The following CCNDBP1 variants were observed in gnomAD, a reference collection of about 807,000 sequenced individuals.
CCNDBP1 encodes cyclin D1 binding protein 1, also known as cyclin-D1-binding protein 1.
In CCNDBP1, 45 loss-of-function variants were observed where a neutral mutation model predicts 46.2. The observed-to-expected ratio is 0.97, with a 90% CI of 0.77 to 1.25. The LOEUF (loss-of-function observed/expected upper bound fraction) is 1.25, where lower values mean the gene tolerates loss of function less well. CCNDBP1 is among the 50% of genes most tolerant of loss of function. CCNDBP1 has a pLI of 0.00. For missense variants in CCNDBP1, 436 were observed against 442.1 expected, an observed-to-expected ratio of 0.99 and a Z score of 0.12; for synonymous variants, 154 against 163.6, an observed-to-expected ratio of 0.94 and a Z score of 0.45.
Position 43,186,204 on chromosome 15 carries a change from T to C in CCNDBP1, c.220T>C (p.Phe74Leu), listed in dbSNP as rs1437408564. 1 of 1,614,016 alleles carries C rather than the reference T, an allele frequency of 6.2e-7. No homozygotes were observed. Among genetic ancestry groups the C allele is most frequent in the Non-Finnish European group, 8.5e-7 (1 of 1,179,984 alleles). The change falls in exon 3 of 11, where the codon TTC becomes CTC. Residue 74 changes from phenylalanine (F) to leucine (L), a missense_variant. By Grantham distance (22) the Phe-to-Leu change is conservative. Coordinates refer to ENST00000300213, the MANE Select transcript of CCNDBP1 (RefSeq NM_012142.5). ...GGAAGCCACGACTCTGACCATAGTCTTCTCTCAGCTTCCACTGCCGTCTCC... is the reference window on the plus strand; with the variant it reads ...GGAAGCCACGACTCTGACCATAGTCCTCTCTCAGCTTCCACTGCCGTCTCC... The part of the protein sequence containing the change: ...SREATTLTIV[F>L]SQLPLPSPQE...
At chr15:43,189,077 CAAA>C (rs763476042) in intron 3 of CCNDBP1, 119 bp from the exon 4 acceptor site, 421 of 151,624 alleles carry the variant, frequency 2.8e-3, no homozygotes, top group South Asian at 6.9e-3. Flanking sequence ...GACTCTGTCT[CAAA>C]AAAAAAAAAA....
Position 43,185,461 on chromosome 15 carries a change from C to A in CCNDBP1, c.-38C>A. 1 of 1,479,326 alleles carries A rather than the reference C, an allele frequency of 6.8e-7. No individual in the cohort carries two copies. The highest frequency in any genetic ancestry group is 9.2e-7 in the Non-Finnish European group (1 of 1,088,320). 91.6% of individuals were successfully genotyped at this position (1,479,326 alleles called of 1,614,324 possible). A position where few individuals can be genotyped will look rare whatever the true frequency, so the allele number is the denominator to read the frequency against. On this transcript the variant is annotated 5_prime_UTR_variant, in exon 1 of 11. Transcript: ENST00000300213. Reference sequence around the variant, plus strand: ...CGCAGTGCGGCTCCGGCAGTGGCAGCGGAGGCCTGTGTTTGCGGCCTTCGG... The same window carrying A: ...CGCAGTGCGGCTCCGGCAGTGGCAGAGGAGGCCTGTGTTTGCGGCCTTCGG...
chr15:43,189,229 G>T lies in CCNDBP1; in HGVS notation c.280G>T (p.Ala94Ser). Residue 94 changes from alanine (A) to serine (S), a missense_variant, in exon 4 of 11, where the codon GCT (alanine) becomes TCT (serine). Transcript: ENST00000300213. ...CCAGAAGTTCTGTGAACAAGTCCATGCTGCCATCAAGGCATTTATTGCAGT... is the reference window on the plus strand; with the variant it reads ...CCAGAAGTTCTGTGAACAAGTCCATTCTGCCATCAAGGCATTTATTGCAGT... ...ETQKFCEQVH[A>S]AIKAFIAVYY... 1 of 1,612,604 alleles carries T rather than the reference G, an allele frequency of 6.2e-7. No homozygotes were observed. Among genetic ancestry groups the T allele is most frequent in the Non-Finnish European group, 8.5e-7 (1 of 1,179,274 alleles).
At chr15:43,191,117 G>A in intron 7 of CCNDBP1, 75 bp downstream of exon 7, 2 of 1,230,154 alleles carry the variant, frequency 1.6e-6, no homozygotes, top group Non-Finnish European at 2.4e-6. Context: ...GAGATTTCCT[G>A]AGCATTGACC....
rs774872923 is a variant in CCNDBP1, at chr15:43,190,161, C to T, written c.428+10C>T. The T allele has an allele frequency of 6.2e-7, 1 of 1,611,894 alleles. No individual in the cohort carries two copies. Among genetic ancestry groups the T allele is most frequent in the Non-Finnish European group, 8.5e-7 (1 of 1,178,234 alleles). ...TCACTCCAACTCAGAGGTAGTGATG[C>T]CACAGTTTAGGTTACCAGTTATTGG... On this transcript the variant is annotated intron_variant, in intron 5 of 10. Transcript: ENST00000300213.
intron 3 of CCNDBP1, among the ~76,000 whole-genome samples, chr15:43,187,656 G>C (rs565830288): frequency 6.6e-6 from 1 of 152,118 alleles, no homozygotes; most frequent in Non-Finnish European, 1.5e-5. Context: ...ATTTCAAAAA[G>C]AGTAGTTAAT....
Position 43,196,982 on chromosome 15 carries a change from A to C in CCNDBP1, c.*2141A>C. 2.6e-6 allele frequency: 1 copy of C among 382,912 alleles called. No individual in the cohort carries two copies. The highest frequency in any genetic ancestry group is 5.0e-6 in the Non-Finnish European group (1 of 200,732). 23.7% of individuals were successfully genotyped at this position (382,912 alleles called of 1,614,324 possible). On this transcript the variant is annotated 3_prime_UTR_variant, in exon 11 of 11. Transcript: ENST00000300213. ...TTCTCGCTCTATATGTCCCTCCCCC[A>C]CCCCAGAGCTGGCTGTTAAAACGAG...
Position 43,196,106 on chromosome 15 carries a change from A to G in CCNDBP1, c.*1265A>G, listed in dbSNP as rs1392116019. ...CTTTTATATTTCTCTACTGGACCAA[A>G]TTCATGTTATTAACATCAGACTTTA... On this transcript the variant is annotated 3_prime_UTR_variant, in exon 11 of 11. Transcript: ENST00000300213. 1 of 152,074 alleles carries G rather than the reference A, an allele frequency of 6.6e-6. No individual in the cohort carries two copies. Among genetic ancestry groups the G allele is most frequent in the Admixed American group, 6.6e-5 (1 of 15,256 alleles). The allele number at this position is 152,074 out of a possible 1,614,324, so 9.4% of individuals were successfully genotyped here.
At chr15:43,194,046 CTTTTTTTT>C (rs748207621) in intron 9 of CCNDBP1, 12 of 50,288 alleles carry the variant, frequency 2.4e-4, no homozygotes, top group African/African-American at 1.3e-3. Flanking sequence ...TCTTAATGCG[CTTTTTTTT>C]TTTTTTTTTT....
At chr15:43,192,615 G>A in intron 8 of CCNDBP1, 128 bp from the exon 9 acceptor site, 2 of 774,758 alleles carry the variant, frequency 2.6e-6, no homozygotes, top group Non-Finnish European at 4.4e-6. Context: ...TGGTTGCCCA[G>A]TTGCCCAATT....
chr15:43,188,366 G>A (rs1001120282), intron 3 of CCNDBP1: 1 of 152,100 alleles, frequency 6.6e-6, no homozygotes, highest in African/African-American at 2.4e-5. Context: ...TAATAACCAT[G>A]GTCTGTCAGT....
intron 3 of CCNDBP1, among the ~76,000 whole-genome samples, chr15:43,186,959 GAA>G (rs1247918514): frequency 6.6e-6 from 1 of 152,180 alleles, no homozygotes; most frequent in Non-Finnish European, 1.5e-5. Flanking sequence ...TATATTGGTA[GAA>G]AAAATTCCCG....
chr15:43,188,335 A>T lies in CCNDBP1; in HGVS notation c.250-864A>T, dbSNP rs1379303899. The T allele has an allele frequency of 4.6e-5, 7 of 152,066 alleles. No homozygotes were observed. In the East Asian group the frequency reaches 1.3e-3, roughly 29 times the overall value. 9.4% of individuals were successfully genotyped at this position (152,066 alleles called of 1,614,324 possible). ...CATATTCTGATTCTGTTAAAAAAAG[A>T]GAGAGACCTGGTTAATGGTTTAATA... is the stretch of plus-strand genomic sequence containing the variant. On this transcript the variant is annotated intron_variant, in intron 3 of 10. Transcript: ENST00000300213.
intron 4 of CCNDBP1, chr15:43,189,630 A>C (rs1596391166): frequency 3.2e-6 from 1 of 308,678 alleles, no homozygotes. Context: ...GTTATATCTC[A>C]CCCTATTTCT....
rs1201094415 is a variant in CCNDBP1 at position 43,195,806 on chromosome 15, T to A, written c.*965T>A. On this transcript the variant is annotated 3_prime_UTR_variant, in exon 11 of 11. Coordinates refer to ENST00000300213, the MANE Select transcript of CCNDBP1 (RefSeq NM_012142.5). ...TTTTGTAGGTGTAATTCATAACATA[T>A]GCCTTTCTGCTGTCTTTAGGTATAA... 1 of 152,246 alleles carries A rather than the reference T, an allele frequency of 6.6e-6. No individual in the cohort carries two copies. Among genetic ancestry groups the A allele is most frequent in the African/African-American group, 2.4e-5 (1 of 41,466 alleles). The allele number at this position is 152,246 out of a possible 1,614,324, so 9.4% of individuals were successfully genotyped here.
intron 8 of CCNDBP1, among the ~76,000 whole-genome samples, chr15:43,191,945 A>G (rs2041959418): frequency 6.6e-6 from 1 of 152,138 alleles, no homozygotes; most frequent in Non-Finnish European, 1.5e-5. Flanking sequence ...CAGCAATGAC[A>G]TTTCACCCCT....
chr15:43,185,592 C>T lies in CCNDBP1; in HGVS notation c.94C>T (p.Leu32=), dbSNP rs1596385173. Residue 32 remains leucine, a synonymous_variant, in exon 1 of 11, where the codon CTG becomes TTG. Transcript: ENST00000300213. ...CTTGGCGGAGGAGCTGCGGTTGCTC[C>T]TGCCTCGAGTGCGGGGTGAGCTGAC... ...RHLAEELRLL[L]PRVRVGEAQE... is the part of the protein sequence containing the mutation. The T allele has an allele frequency of 1.3e-6, 2 of 1,562,976 alleles. No homozygotes were observed. The highest frequency in any genetic ancestry group is 1.7e-6 in the Non-Finnish European group (2 of 1,156,636).
chr15:43,189,715 A>G, intron 4 of CCNDBP1: 2 of 338,276 alleles, frequency 5.9e-6, no homozygotes, highest in Non-Finnish European at 1.1e-5. Context: ...TGCCAAAATT[A>G]TAACTGAATA....
chr15:43,186,875 A>C (rs910601772), intron 3 of CCNDBP1, among the ~76,000 whole-genome samples: 1 of 152,202 alleles, frequency 6.6e-6, no homozygotes, highest in Non-Finnish European at 1.5e-5. Context: ...ATACATAAAC[A>C]CTGTTCTGGA....
Sources: allele counts gnomAD v4.1 joint callset (sites outside exome capture counted in the v4.1 genomes callset), GRCh38; gene constraint gnomAD v4.1.1; transcripts MANE v1.5; gene names NCBI Gene and HGNC (gene_info 2026-07-23, HGNC 2026-07-21).